IDE: variants seen among roughly 807,000 people sequenced by gnomAD.
IDE encodes the protein insulin degrading enzyme.
In IDE, 58 loss-of-function variants were observed where a neutral mutation model predicts 133.2. That is an observed-to-expected ratio of 0.44 (90% CI 0.35 to 0.54). The LOEUF (loss-of-function observed/expected upper bound fraction) is 0.54. IDE is among the 20% of genes least tolerant of loss of function. IDE has a pLI of 0.00. For missense variants in IDE, 981 were observed against 1,234.0 expected (o/e 0.79, Z 3.07); for synonymous variants, 396 against 421.3 (o/e 0.94, Z 0.73).
intron 4 of IDE, among the ~76,000 whole-genome samples, chr10:92,528,031 C>G (rs903047856): frequency 6.6e-6 from 1 of 152,260 alleles, no homozygotes; most frequent in South Asian, 2.1e-4. Flanking sequence ...GGCAACCTTG[C>G]TGAATTATTT....
At chr10:92,570,204 T>C (rs543611371) in intron 1 of IDE, among the ~76,000 whole-genome samples, 25 of 152,264 alleles carry the variant, frequency 1.6e-4, no homozygotes, top group African/African-American at 6.0e-4. Context: ...TTTAAAAAAG[T>C]AATCAGTATG....
intron 15 of IDE, chr10:92,478,647 G>GGT (rs763710639): frequency 2.1e-4 from 254 of 1,237,210 alleles, no homozygotes; most frequent in Non-Finnish European, 2.5e-4. Context: ...TTACTTACAA[G>GGT]TATTGCATTC....
intron 11 of IDE, among the ~76,000 whole-genome samples, chr10:92,500,115 T>C (rs375362365): frequency 6.6e-6 from 1 of 152,130 alleles, no homozygotes; most frequent in East Asian, 1.9e-4. Context: ...CTGACCAACA[T>C]GGAGAAACCC....
At chr10:92,461,814 G>A (rs1394149514) in intron 21 of IDE, among the ~76,000 whole-genome samples, 5 of 151,846 alleles carry the variant, frequency 3.3e-5, no homozygotes, top group African/African-American at 4.8e-5. Flanking sequence ...ACAGGCGCCC[G>A]CCACCATGCC....
In IDE at chr10:92,487,296, T is replaced by C. The variant is rs745343776; in HGVS notation, c.1556A>G (p.Asn519Ser). Residue 519 changes from asparagine (N) to serine (S), a missense_variant, in exon 13 of 25, where the codon AAT becomes AGT. Coordinates refer to ENST00000265986, the MANE Select transcript of IDE (RefSeq NM_004969.4). Reference sequence around the variant, plus strand: ...CTTTGTAGGAAGTTTAAATTTCCCATTCAGGTCAGCATTTTGCCATTTCTG... The same window carrying C: ...CTTTGTAGGAAGTTTAAATTTCCCACTCAGGTCAGCATTTTGCCATTTCTG... ...VIKKWQNADL[N>S]GKFKLPTKNE... 3 of 1,611,964 alleles carry C rather than the reference T, an allele frequency of 1.9e-6. No homozygotes were observed. The highest frequency in any genetic ancestry group is 2.5e-6 in the Non-Finnish European group (3 of 1,179,114).
intron 19 of IDE, among the ~76,000 whole-genome samples, chr10:92,466,854 G>T (rs1845720150): frequency 6.6e-6 from 1 of 151,756 alleles, no homozygotes; most frequent in African/African-American, 2.4e-5. Context: ...CTGACCTCAG[G>T]TGATCCACCC....
At chr10:92,552,531 T>G (rs1842831274) in intron 1 of IDE, among the ~76,000 whole-genome samples, 2 of 152,140 alleles carry the variant, frequency 1.3e-5, no homozygotes, top group Non-Finnish European at 2.9e-5. Context: ...TCAGCAACAA[T>G]GAGCACATCT....
chr10:92,513,729 A>G (rs1848751218), intron 5 of IDE, among the ~76,000 whole-genome samples: 1 of 151,384 alleles, frequency 6.6e-6, no homozygotes, highest in South Asian at 2.1e-4. Context: ...TATATTAAGA[A>G]TATCTTCCCA....
chr10:92,514,637 A>G (rs1848805582), intron 5 of IDE, among the ~76,000 whole-genome samples: 1 of 152,110 alleles, frequency 6.6e-6, no homozygotes, highest in Non-Finnish European at 1.5e-5. Context: ...ACAGGATCTT[A>G]CTATGTTGCC....
intron 24 of IDE, 62 bp from the exon 25 acceptor site, chr10:92,454,601 CT>C (rs377285642): frequency 6.4e-6 from 8 of 1,252,070 alleles, no homozygotes; most frequent in Non-Finnish European, 9.4e-6. Context: ...AGGACATCAA[CT>C]TTTTTTGGCG....
At chr10:92,531,378 G>A (rs1849914538) in intron 4 of IDE, among the ~76,000 whole-genome samples, 1 of 152,152 alleles carries the variant, frequency 6.6e-6, no homozygotes, top group South Asian at 2.1e-4. Context: ...TGGATTAGCA[G>A]AAGTAGAGGC....
intron 11 of IDE, among the ~76,000 whole-genome samples, chr10:92,499,035 G>T (rs1366319520): frequency 2.6e-5 from 4 of 152,162 alleles, no homozygotes; most frequent in Admixed American, 2.6e-4. Context: ...TTGCCTAAAT[G>T]AGGCAAGTAA....
intron 13 of IDE, 31 bp downstream of exon 13, chr10:92,487,165 A>G (rs1305991273): frequency 6.3e-7 from 1 of 1,596,760 alleles, no homozygotes; most frequent in Non-Finnish European, 8.5e-7. Flanking sequence ...TCTGTCCCCC[A>G]AATTTAAAAT....
intron 22 of IDE, 98 bp from the exon 23 acceptor site, chr10:92,456,529 C>G: frequency 1.2e-6 from 1 of 863,386 alleles, no homozygotes; most frequent in Non-Finnish European, 2.0e-6. Flanking sequence ...ATCACACAGT[C>G]AGATATAGAA....
chr10:92,481,851 A>G (rs920809990), intron 14 of IDE, among the ~76,000 whole-genome samples: 2 of 152,250 alleles, frequency 1.3e-5, no homozygotes, highest in African/African-American at 4.8e-5. Context: ...CTCAAAGGGT[A>G]GTCTAAAGAA....
chr10:92,494,599 T>TA (rs1243551336), intron 11 of IDE, among the ~76,000 whole-genome samples: 1 of 151,908 alleles, frequency 6.6e-6, no homozygotes, highest in Non-Finnish European at 1.5e-5. Flanking sequence ...AGAAAGAAAT[T>TA]AAAAAATGAA....
intron 21 of IDE, among the ~76,000 whole-genome samples, chr10:92,463,415 A>G (rs771720950): frequency 4.6e-5 from 7 of 152,208 alleles, no homozygotes; most frequent in Non-Finnish European, 8.8e-5. Flanking sequence ...TGGGAAATAG[A>G]TACTTAGGTA....
chr10:92,474,446 T>C (rs1191670448), intron 17 of IDE: 1 of 152,920 alleles, frequency 6.5e-6, no homozygotes, highest in Non-Finnish European at 1.5e-5. Context: ...CCTGCCTGAA[T>C]GCAAAAACCA....
In IDE at chr10:92,573,209, G is replaced by A. The variant is rs375507574; in HGVS notation, c.98+713C>T. 6 of 983,598 alleles carry A rather than the reference G, an allele frequency of 6.1e-6. No homozygotes were observed. In the African/African-American group the frequency reaches 8.7e-5, roughly 14 times the overall value. 60.9% of individuals were successfully genotyped at this position (983,598 alleles called of 1,614,324 possible). Reference sequence around the variant, plus strand: ...AGTGGAGAGGGCACGCCGCCGGATGGCAAAAAACCTGTGTCCTAATCCTGG... The same window carrying A: ...AGTGGAGAGGGCACGCCGCCGGATGACAAAAAACCTGTGTCCTAATCCTGG... On this transcript the variant is annotated intron_variant, in intron 1 of 24. Transcript: ENST00000265986.
Sources: allele counts gnomAD v4.1 joint callset (sites outside exome capture counted in the v4.1 genomes callset), GRCh38; gene constraint gnomAD v4.1.1; transcripts MANE v1.5; gene names NCBI Gene and HGNC (gene_info 2026-07-23, HGNC 2026-07-21).